JAK1: variants seen among roughly 807,000 people sequenced by gnomAD.
JAK1 encodes Janus kinase 1, also known as tyrosine-protein kinase JAK1.
JAK1 carries 16 observed loss-of-function variants against 136.6 expected under a neutral mutation model. The ratio of observed to expected loss-of-function variants is 0.12; its 90% CI spans 0.08 to 0.18. JAK1 has a LOEUF of 0.18. JAK1 is among the 10% of genes least tolerant of loss of function. The probability of loss-of-function intolerance (pLI) is 1.00; values close to 1 mark genes in which losing one functional copy is unlikely to be tolerated. For missense variants in JAK1, 859 were observed against 1,450.1 expected, an observed-to-expected ratio of 0.59 and a Z score of 6.62; for synonymous variants, 492 against 519.5, an observed-to-expected ratio of 0.95 and a Z score of 0.72.
intron 1 of JAK1, among the ~76,000 whole-genome samples, chr1:64,922,149 A>G (rs925026732): frequency 1.2e-5 from 1 of 82,306 alleles, no homozygotes; most frequent in Admixed American, 1.4e-4. Flanking sequence ...GTTCTTATGG[A>G]AAAAAAAAAC....
At chr1:64,928,917 T>C (rs2100429825) in intron 1 of JAK1, among the ~76,000 whole-genome samples, 1 of 152,260 alleles carries the variant, frequency 6.6e-6, no homozygotes, top group Non-Finnish European at 1.5e-5. Flanking sequence ...TTTAGCACAC[T>C]GATGATGACA....
chr1:64,904,754 C>CAT (rs1645165061), intron 1 of JAK1, among the ~76,000 whole-genome samples: 1 of 151,834 alleles, frequency 6.6e-6, no homozygotes, highest in Non-Finnish European at 1.5e-5. Flanking sequence ...TATACACACA[C>CAT]ACACACCCTA....
intron 2 of JAK1, among the ~76,000 whole-genome samples, chr1:65,038,829 G>A (rs901000964): frequency 3.3e-5 from 5 of 152,012 alleles, no homozygotes; most frequent in Non-Finnish European, 7.4e-5. Context: ...AGTAGAGACG[G>A]GTTTTGCCAT....
At chr1:64,902,583 A>AGAGAGAGAGAGGGTGTGTGT in intron 1 of JAK1, among the ~76,000 whole-genome samples, 1 of 73,758 alleles carries the variant, frequency 1.4e-5, no homozygotes, top group Non-Finnish European at 2.4e-5. Flanking sequence ...AGAGAGAGAG[A>AGAGAGAGAGAGGGTGTGTGT]GTGTGTGTGT....
intron 1 of JAK1, among the ~76,000 whole-genome samples, chr1:64,916,563 C>T (rs12037470): frequency 0.53 from 80,669 of 151,992 alleles, 23,838 homozygotes; most frequent in Middle Eastern, 0.73. Flanking sequence ...AAAGGCCAGG[C>T]GCAGTGGCTC....
chr1:64,904,280 C>T (rs957866600), intron 1 of JAK1, among the ~76,000 whole-genome samples: 4 of 152,226 alleles, frequency 2.6e-5, no homozygotes, highest in East Asian at 1.9e-4. Context: ...TGAAGTATCG[C>T]ATTCAATTTG....
chr1:65,016,377 G>A (rs552414), intron 2 of JAK1, among the ~76,000 whole-genome samples: 3 of 151,922 alleles, frequency 2.0e-5, no homozygotes, highest in Non-Finnish European at 4.4e-5. Flanking sequence ...ATCCTAGCAC[G>A]TTGGGAGGCC....
At chr1:65,053,621 CAGG>C (rs1370297695) in intron 1 of JAK1, among the ~76,000 whole-genome samples, 2 of 152,206 alleles carry the variant, frequency 1.3e-5, no homozygotes, top group South Asian at 2.1e-4. Flanking sequence ...GAGGCCAAAG[CAGG>C]AGGATTGCTT....
At chr1:65,026,754 C>G (rs904496509) in intron 2 of JAK1, among the ~76,000 whole-genome samples, 2 of 151,928 alleles carry the variant, frequency 1.3e-5, no homozygotes, top group Non-Finnish European at 2.9e-5. Context: ...TCACCTGAGG[C>G]CAGGAGTTTG....
intron 2 of JAK1, among the ~76,000 whole-genome samples, chr1:64,998,779 A>C (rs1257872001): frequency 6.6e-6 from 1 of 152,160 alleles, no homozygotes; most frequent in East Asian, 1.9e-4. Flanking sequence ...GCTGCCGTCC[A>C]TGTAAGATGT....
intron 2 of JAK1, among the ~76,000 whole-genome samples, chr1:65,010,789 T>A (rs565280955): frequency 6.6e-6 from 1 of 152,226 alleles, no homozygotes; most frequent in African/African-American, 2.4e-5. Context: ...GGCAATATAG[T>A]GAGACCCTGT....
intron 1 of JAK1, among the ~76,000 whole-genome samples, chr1:64,907,928 ACT>A (rs1188168983): frequency 6.6e-6 from 1 of 152,162 alleles, no homozygotes; most frequent in Non-Finnish European, 1.5e-5. Flanking sequence ...ATGACTCTTA[ACT>A]CTGTTATTCT....
intron 4 of JAK1, among the ~76,000 whole-genome samples, chr1:64,877,517 A>C (rs1283618335): frequency 6.6e-6 from 1 of 152,212 alleles, no homozygotes; most frequent in East Asian, 1.9e-4. Context: ...CTAATGCCTC[A>C]AAGAGCTCTA....
chr1:64,975,254 C>T (rs149440259), intron 2 of JAK1, among the ~76,000 whole-genome samples: 177 of 152,274 alleles, frequency 1.2e-3, no homozygotes, highest in Non-Finnish European at 2.0e-3. Flanking sequence ...CACCACTGCA[C>T]CCCAAAAGAA....
intron 2 of JAK1, among the ~76,000 whole-genome samples, chr1:64,997,661 G>T (rs139561552): frequency 6.6e-5 from 10 of 152,194 alleles, no homozygotes; most frequent in Non-Finnish European, 1.0e-4. Context: ...AAGGACAACG[G>T]CATAATGGGT....
chr1:64,864,840 T>C lies in JAK1; in HGVS notation c.1123A>G (p.Ile375Val), dbSNP rs781682542. 1.7e-5 allele frequency: 28 copies of C among 1,614,020 alleles called. No homozygotes were observed. The highest frequency in any genetic ancestry group is 2.0e-5 in the Non-Finnish European group (24 of 1,179,884). The change falls in exon 8 of 25, where the codon ATT becomes GTT. Residue 375 changes from isoleucine to valine, a missense_variant. This residue lies in a region of JAK1 where 353 missense variants were observed against 494.0 expected (regional missense o/e 0.71). Coordinates refer to ENST00000342505, the MANE Select transcript of JAK1 (RefSeq NM_002227.4). ...NFSYFPEITH[I>V]VIKESVVSIN... ...CTGACCACAGACTCCTTTATTACAA[T>C]GTGAGTGATTTCAGGGAAGTAAGAA...
At chr1:64,999,735 TAAAAA>T (rs77414910) in intron 2 of JAK1, among the ~76,000 whole-genome samples, 1 of 130,272 alleles carries the variant, frequency 7.7e-6, no homozygotes, top group Non-Finnish European at 1.7e-5. Context: ...ACCCTCTCTT[TAAAAA>T]AAAAAAAAAA....
intron 1 of JAK1, among the ~76,000 whole-genome samples, chr1:64,946,033 G>A (rs571640768): frequency 1.1e-4 from 17 of 152,194 alleles, no homozygotes; most frequent in Non-Finnish European, 1.8e-4. Flanking sequence ...CACGGCACCC[G>A]GCCCTGGTTT....
chr1:64,936,542 CA>C (rs1001940328), intron 1 of JAK1, among the ~76,000 whole-genome samples: 1 of 152,186 alleles, frequency 6.6e-6, no homozygotes, highest in African/African-American at 2.4e-5. Flanking sequence ...ACTCACCCAT[CA>C]CCTGTCTAGA....
Sources: allele counts gnomAD v4.1 joint callset (sites outside exome capture counted in the v4.1 genomes callset), GRCh38; gene constraint gnomAD v4.1.1; regional missense constraint gnomAD v4.1.1; transcripts MANE v1.5; gene names NCBI Gene and HGNC (gene_info 2026-07-23, HGNC 2026-07-21).